PALS1: variants seen among roughly 807,000 people sequenced by gnomAD.
The protein encoded by PALS1 is protein PALS1.
A neutral mutation model predicts 78.9 loss-of-function variants in PALS1; 31 were observed. The observed-to-expected ratio is 0.39, with a 90% CI of 0.30 to 0.53. PALS1 has a LOEUF of 0.53. PALS1 is among the 20% of genes least tolerant of loss of function. PALS1 has a pLI of 0.67. For synonymous variants in PALS1, 276 were observed against 270.9 expected (o/e 1.02, Z -0.18); for missense variants, 704 against 826.5 (o/e 0.85, Z 1.82).
At chr14:67,245,578 C>T (rs1487233364) in intron 1 of PALS1, among the ~76,000 whole-genome samples, 1 of 151,966 alleles carries the variant, frequency 6.6e-6, no homozygotes, top group East Asian at 1.9e-4. Context: ...CTCAGAACTC[C>T]TGGGCTCAAG....
At chr14:67,330,711 G>T (rs2085435045) in intron 14 of PALS1, among the ~76,000 whole-genome samples, 1 of 151,876 alleles carries the variant, frequency 6.6e-6, no homozygotes, top group Admixed American at 6.6e-5. Flanking sequence ...ACCTGCCTCA[G>T]CCTTCCAAAG....
chr14:67,297,980 A>G lies in PALS1; in HGVS notation c.577-3409A>G, dbSNP rs1388471622. Reference sequence around the variant, plus strand: ...GGCAATTCAGGTAGCTGAGACAGCTAGTATAATCACAGTTGTTGTGGGGAG... The same window carrying G: ...GGCAATTCAGGTAGCTGAGACAGCTGGTATAATCACAGTTGTTGTGGGGAG... On this transcript the variant is annotated intron_variant, in intron 4 of 14. Transcript: ENST00000261681. Among the ~76,000 whole-genome samples, 5 of 152,320 alleles carry G rather than the reference A, an allele frequency of 3.3e-5. No homozygotes were observed. The South Asian group carries it at 8.3e-4, about 25-fold the overall frequency.
intron 8 of PALS1, among the ~76,000 whole-genome samples, chr14:67,311,196 A>G (rs2085082903): frequency 6.6e-6 from 1 of 151,762 alleles, no homozygotes; most frequent in Admixed American, 6.6e-5. Flanking sequence ...CTGTAATCCC[A>G]GCTACTCGGG....
intron 3 of PALS1, among the ~76,000 whole-genome samples, chr14:67,287,651 T>C (rs1281052919): frequency 6.6e-6 from 1 of 152,218 alleles, no homozygotes; most frequent in South Asian, 2.1e-4. Flanking sequence ...GCAGTATGTG[T>C]CAAAGTGTTA....
intron 2 of PALS1, among the ~76,000 whole-genome samples, chr14:67,275,670 T>C (rs2084491587): frequency 6.6e-6 from 1 of 152,194 alleles, no homozygotes; most frequent in Non-Finnish European, 1.5e-5. Context: ...CTTTTTCTAT[T>C]GATTGCAATA....
In PALS1 at chr14:67,332,967, C is replaced by T; in HGVS notation, c.*11C>T. The T allele has an allele frequency of 1.3e-6, 2 of 1,592,458 alleles. No individual in the cohort carries two copies. The highest frequency in any genetic ancestry group is 2.3e-5 in the East Asian group (1 of 44,318). ...ACTTGGCTGAGGTGAAAGAAACATC[C>T]ATTCTGTGGCATGTTGGACTTGATC... is the stretch of plus-strand genomic sequence containing the variant. On this transcript the variant is annotated 3_prime_UTR_variant, in exon 15 of 15. Coordinates refer to ENST00000261681, the MANE Select transcript of PALS1 (RefSeq NM_022474.4).
At chr14:67,292,462 A>T (rs772637333) in intron 3 of PALS1, 49 bp from the exon 4 acceptor site, 20 of 1,292,674 alleles carry the variant, frequency 1.5e-5, no homozygotes, top group Non-Finnish European at 2.1e-5. Context: ...TGCATGTTGA[A>T]TTAATACTGA....
chr14:67,294,292 C>T (rs1319013231), intron 4 of PALS1: 3 of 151,906 alleles, frequency 2.0e-5, no homozygotes, highest in South Asian at 4.1e-4. Context: ...CCTTTCAGTA[C>T]ATTATACTTG....
chr14:67,325,287 T>C (rs1368945758), intron 14 of PALS1, among the ~76,000 whole-genome samples: 1 of 152,196 alleles, frequency 6.6e-6, no homozygotes, highest in East Asian at 1.9e-4. Flanking sequence ...TTTCACTCTA[T>C]GTCTACTTAA....
chr14:67,296,319 C>T (rs1009166373), intron 4 of PALS1, among the ~76,000 whole-genome samples: 6 of 151,882 alleles, frequency 4.0e-5, no homozygotes, highest in Non-Finnish European at 8.8e-5. Flanking sequence ...GGTGTCCAGA[C>T]GCCGGATGCA....
chr14:67,247,525 T>C (rs1434020006), intron 1 of PALS1, among the ~76,000 whole-genome samples: 1 of 152,180 alleles, frequency 6.6e-6, no homozygotes, highest in Non-Finnish European at 1.5e-5. Flanking sequence ...ATTGTCTTGG[T>C]TAGGACTTCC....
At chr14:67,292,016 G>A (rs1437352901) in intron 3 of PALS1, among the ~76,000 whole-genome samples, 1 of 152,020 alleles carries the variant, frequency 6.6e-6, no homozygotes, top group East Asian at 1.9e-4. Flanking sequence ...TGTTTTTATG[G>A]TAGCAAAAAA....
chr14:67,244,260 T>C (rs1288483378), intron 1 of PALS1, among the ~76,000 whole-genome samples: 1 of 152,240 alleles, frequency 6.6e-6, no homozygotes, highest in Non-Finnish European at 1.5e-5. Context: ...AATGTATGTA[T>C]ACCTACCTAT....
At chr14:67,326,126 G>A (rs2085352457) in intron 14 of PALS1, among the ~76,000 whole-genome samples, 1 of 147,194 alleles carries the variant, frequency 6.8e-6, no homozygotes. Context: ...TGCCCGGCCA[G>A]CATCTTTCTT....
chr14:67,281,020 TC>T (rs1234146460), intron 3 of PALS1, among the ~76,000 whole-genome samples: 2 of 151,888 alleles, frequency 1.3e-5, no homozygotes, highest in East Asian at 3.9e-4. Flanking sequence ...TGCCTTAGCC[TC>T]CCGAGTGGCT....
intron 1 of PALS1, among the ~76,000 whole-genome samples, chr14:67,268,669 G>A (rs557388543): frequency 9.9e-5 from 15 of 152,276 alleles, no homozygotes; most frequent in Non-Finnish European, 2.1e-4. Context: ...GCATGCTAAC[G>A]CATTATAATT....
chr14:67,249,176 G>C (rs2084028835), intron 1 of PALS1, among the ~76,000 whole-genome samples: 1 of 151,958 alleles, frequency 6.6e-6, no homozygotes, highest in African/African-American at 2.4e-5. Context: ...TGGCCAGGCT[G>C]GTCTTGAACT....
intron 1 of PALS1, among the ~76,000 whole-genome samples, chr14:67,243,603 C>T (rs1314902067): frequency 6.9e-6 from 1 of 144,260 alleles, no homozygotes; most frequent in Non-Finnish European, 1.5e-5. Context: ...CGCCATTTTT[C>T]TGCCTCAGCC....
intron 1 of PALS1, among the ~76,000 whole-genome samples, chr14:67,258,318 T>C (rs1050220740): frequency 2.0e-5 from 3 of 152,228 alleles, no homozygotes; most frequent in East Asian, 1.9e-4. Flanking sequence ...GTGGATCGCA[T>C]GAGCTCAGGA....
Sources: allele counts gnomAD v4.1 joint callset (sites outside exome capture counted in the v4.1 genomes callset), GRCh38; gene constraint gnomAD v4.1.1; transcripts MANE v1.5; gene names NCBI Gene and HGNC (gene_info 2026-07-23, HGNC 2026-07-21).